The following OSBPL8 variants were observed in gnomAD, a reference collection of about 807,000 sequenced individuals.
OSBPL8 encodes the protein oxysterol binding protein like 8, also known as oxysterol-binding protein-related protein 8.
Under a neutral mutation model 125.5 loss-of-function variants are expected in OSBPL8, and 59 were observed. The ratio of observed to expected loss-of-function variants is 0.47; its 90% CI spans 0.38 to 0.58. The LOEUF is 0.58. Among genes scored for constraint, OSBPL8 ranks in the 20% least tolerant of loss-of-function variants. The pLI is 0.00. For synonymous variants in OSBPL8, 330 were observed against 338.9 expected, an observed-to-expected ratio of 0.97 and a Z score of 0.29; for missense variants, 758 against 1,047.8, an observed-to-expected ratio of 0.72 and a Z score of 3.82.
At chr12:76,539,890 A>T (rs933476669) in intron 1 of OSBPL8, among the ~76,000 whole-genome samples, 3 of 152,182 alleles carry the variant, frequency 2.0e-5, no homozygotes, top group African/African-American at 7.2e-5. Context: ...ACCCATACAC[A>T]TCCCACATCC....
At chr12:76,363,826 C>T (rs897801464) in intron 21 of OSBPL8, among the ~76,000 whole-genome samples, 2 of 152,018 alleles carry the variant, frequency 1.3e-5, no homozygotes, top group Admixed American at 1.3e-4. Flanking sequence ...AAAACAACCC[C>T]ATCAAAAAGT....
At chr12:76,469,386 T>C (rs1875843745) in intron 2 of OSBPL8, among the ~76,000 whole-genome samples, 1 of 152,182 alleles carries the variant, frequency 6.6e-6, no homozygotes. Context: ...CCATCTGTCT[T>C]GTCACTGCAT....
At chr12:76,462,934 G>A (rs1422144273) in intron 2 of OSBPL8, among the ~76,000 whole-genome samples, 2 of 152,192 alleles carry the variant, frequency 1.3e-5, no homozygotes, top group African/African-American at 4.8e-5. Context: ...AGTAGTAGGA[G>A]ATGAGGTCAG....
chr12:76,540,120 G>A (rs1289076248), intron 1 of OSBPL8, among the ~76,000 whole-genome samples: 2 of 152,152 alleles, frequency 1.3e-5, no homozygotes, highest in Non-Finnish European at 2.9e-5. Context: ...TTCACAGCTA[G>A]ATTGAGATCA....
intron 5 of OSBPL8, among the ~76,000 whole-genome samples, chr12:76,410,241 A>AT (rs531050908): frequency 6.0e-4 from 90 of 150,554 alleles, no homozygotes; most frequent in Non-Finnish European, 1.1e-3. Context: ...AACACTTAAG[A>AT]TTTTTTTTTT....
intron 8 of OSBPL8, among the ~76,000 whole-genome samples, chr12:76,397,052 C>T (rs1042557444): frequency 4.6e-5 from 7 of 151,852 alleles, no homozygotes; most frequent in African/African-American, 1.5e-4. Flanking sequence ...TGAGCTCAAG[C>T]GATCCAACTG....
chr12:76,467,052 G>C (rs999442273), intron 2 of OSBPL8, among the ~76,000 whole-genome samples: 1 of 152,112 alleles, frequency 6.6e-6, no homozygotes, highest in Non-Finnish European at 1.5e-5. Flanking sequence ...GCATTGGCCT[G>C]GTAGTTTTTC....
chr12:76,359,507 T>G (rs554746617), intron 21 of OSBPL8, among the ~76,000 whole-genome samples: 29 of 152,326 alleles, frequency 1.9e-4, no homozygotes, highest in Middle Eastern at 3.4e-3. Flanking sequence ...AATTTTGGTG[T>G]TCAGTATTAA....
At chr12:76,436,992 C>G (rs1054415421) in intron 4 of OSBPL8, among the ~76,000 whole-genome samples, 2 of 152,030 alleles carry the variant, frequency 1.3e-5, no homozygotes, top group Admixed American at 1.3e-4. Context: ...CATATTGATT[C>G]CTGTAGCTTT....
intron 1 of OSBPL8, among the ~76,000 whole-genome samples, chr12:76,558,292 A>T (rs1951170438): frequency 6.6e-6 from 1 of 152,234 alleles, no homozygotes; most frequent in African/African-American, 2.4e-5. Flanking sequence ...GAAACTGATC[A>T]TAGCCTCTCA....
At chr12:76,471,201 G>C (rs1876098055) in intron 2 of OSBPL8, among the ~76,000 whole-genome samples, 3 of 152,110 alleles carry the variant, frequency 2.0e-5, no homozygotes, top group South Asian at 2.1e-4. Flanking sequence ...CTACCTTACA[G>C]TATTATAGAA....
intron 4 of OSBPL8, among the ~76,000 whole-genome samples, chr12:76,436,508 C>A (rs374491872): frequency 2.0e-5 from 3 of 149,286 alleles, no homozygotes; most frequent in Non-Finnish European, 4.5e-5. Context: ...CTTAATAAGA[C>A]ACATTCAAAA....
At chr12:76,543,452 C>T (rs1950698398) in intron 1 of OSBPL8, among the ~76,000 whole-genome samples, 4 of 150,598 alleles carry the variant, frequency 2.7e-5, no homozygotes, top group African/African-American at 9.8e-5. Context: ...TGTTATCATA[C>T]ATATTACATA....
chr12:76,538,599 T>C lies in OSBPL8; in HGVS notation c.-68+20798A>G, dbSNP rs891927977. On this transcript the variant is annotated intron_variant, in intron 1 of 23. Transcript: ENST00000261183. The stretch of plus-strand genomic sequence containing the variant: ...TAAGTATAGTTCAAAGGCTTTATCA[T>C]TGTAAACAAACTTATTTAAAGGTAA... Among the ~76,000 whole-genome samples the C allele has an allele frequency of 9.2e-5, 14 of 152,304 alleles. No individual in the cohort carries two copies. In the East Asian group the frequency reaches 2.5e-3, roughly 27 times the overall value.
chr12:76,439,814 C>T (rs552938689), intron 4 of OSBPL8, among the ~76,000 whole-genome samples: 1 of 152,196 alleles, frequency 6.6e-6, no homozygotes, highest in East Asian at 1.9e-4. Context: ...TAAACATCTA[C>T]TTGTATTTTT....
chr12:76,449,928 A>C lies in OSBPL8; in HGVS notation c.217+923T>G, dbSNP rs540045442. On this transcript the variant is annotated intron_variant, in intron 4 of 23. Transcript: ENST00000261183. The stretch of plus-strand genomic sequence containing the variant: ...AAATTACTACTAGTCAAGTTTTGGC[A>C]TATTATCAAAGAATATCTATAATTA... Among the ~76,000 whole-genome samples the C allele has an allele frequency of 3.9e-5, 6 of 152,306 alleles. No individual in the cohort carries two copies. The South Asian group carries it at 1.2e-3, about 32-fold the overall frequency.
At chr12:76,444,235 A>C (rs1592693547) in intron 4 of OSBPL8, among the ~76,000 whole-genome samples, 1 of 152,222 alleles carries the variant, frequency 6.6e-6, no homozygotes, top group East Asian at 1.9e-4. Context: ...ATTGATGGTA[A>C]GCAATCATTC....
intron 1 of OSBPL8, among the ~76,000 whole-genome samples, chr12:76,498,964 T>C (rs1001069968): frequency 2.0e-5 from 3 of 152,096 alleles, no homozygotes; most frequent in Non-Finnish European, 4.4e-5. Flanking sequence ...CTTGATTGGA[T>C]TGAAGGATGC....
intron 15 of OSBPL8, among the ~76,000 whole-genome samples, chr12:76,383,596 CATA>C (rs2136256844): frequency 6.6e-6 from 1 of 152,150 alleles, no homozygotes; most frequent in Non-Finnish European, 1.5e-5. Context: ...CCTTTTTTAT[CATA>C]ATGATTTTTT....
Sources: gnomAD v4.1 joint callset for allele counts (sites outside exome capture counted in the v4.1 genomes callset) on GRCh38, gnomAD v4.1.1 for gene constraint, MANE v1.5 for transcripts, NCBI Gene and HGNC (gene_info 2026-07-23, HGNC 2026-07-21) for gene names.